SENP7: variants seen among roughly 807,000 people sequenced by gnomAD.
The protein encoded by SENP7 is sentrin-specific protease 7.
Under a neutral mutation model 141.2 loss-of-function variants are expected in SENP7, and 64 were observed. That is an observed-to-expected ratio of 0.45 (90% CI 0.37 to 0.56). SENP7 has a LOEUF of 0.56. Among genes scored for constraint, SENP7 ranks in the 20% least tolerant of loss-of-function variants. SENP7 has a pLI of 0.00. For synonymous variants in SENP7, 382 were observed against 426.4 expected, an observed-to-expected ratio of 0.90 and a Z score of 1.28; for missense variants, 1,025 against 1,212.2, an observed-to-expected ratio of 0.85 and a Z score of 2.29.
intron 3 of SENP7, among the ~76,000 whole-genome samples, chr3:101,467,932 C>A (rs1310052454): frequency 1.3e-5 from 2 of 152,112 alleles, no homozygotes; most frequent in African/African-American, 4.8e-5. Flanking sequence ...GATGTTTGAA[C>A]CCATCGCAAG....
chr3:101,457,488 G>A lies in SENP7; in HGVS notation c.284+1467C>T, dbSNP rs574865099. The A allele has an allele frequency of 4.5e-5, 73 of 1,609,694 alleles. No individual in the cohort carries two copies. In the South Asian group the frequency reaches 7.9e-4, roughly 17 times the overall value. On this transcript the variant is annotated intron_variant, in intron 4 of 23. Coordinates refer to ENST00000394095, the MANE Select transcript of SENP7 (RefSeq NM_020654.5). ...GGTGAAAGTGTTTGCTGCCAGAGAT[G>A]CCTGAACTTTAGGGTTGTTAAAGTG...
At chr3:101,381,895 T>C (rs567344384) in intron 6 of SENP7, among the ~76,000 whole-genome samples, 26 of 152,280 alleles carry the variant, frequency 1.7e-4, no homozygotes, top group African/African-American at 6.3e-4. Context: ...TGTGGATTAT[T>C]GTCATTACCA....
chr3:101,485,903 C>T (rs113511248), intron 3 of SENP7, among the ~76,000 whole-genome samples: 1 of 151,870 alleles, frequency 6.6e-6, no homozygotes, highest in Non-Finnish European at 1.5e-5. Flanking sequence ...GGAAATAGAT[C>T]GCTTAAAGAA....
At chr3:101,386,217 A>C (rs1358739053) in intron 6 of SENP7, among the ~76,000 whole-genome samples, 1 of 152,186 alleles carries the variant, frequency 6.6e-6, no homozygotes, top group African/African-American at 2.4e-5. Flanking sequence ...GCACAGAAAA[A>C]GGGAAATGAA....
intron 4 of SENP7, among the ~76,000 whole-genome samples, chr3:101,448,385 T>C (rs2062979162): frequency 6.6e-6 from 1 of 152,208 alleles, no homozygotes; most frequent in Admixed American, 6.5e-5. Context: ...TTTTTAACTC[T>C]TACAACAAAA....
intron 22 of SENP7, among the ~76,000 whole-genome samples, chr3:101,328,126 T>C (rs994015646): frequency 7.9e-5 from 12 of 152,280 alleles, no homozygotes; most frequent in Middle Eastern, 3.4e-3. Context: ...TACAGTAAAT[T>C]ACAAAATTAC....
At chr3:101,427,175 G>A (rs568913899) in intron 4 of SENP7, among the ~76,000 whole-genome samples, 3 of 152,040 alleles carry the variant, frequency 2.0e-5, no homozygotes, top group Admixed American at 6.6e-5. Flanking sequence ...GGGATGAAAC[G>A]GGGGTTCAAC....
chr3:101,386,623 C>G (rs568610266), intron 6 of SENP7, among the ~76,000 whole-genome samples: 1 of 152,300 alleles, frequency 6.6e-6, no homozygotes, highest in African/African-American at 2.4e-5. Context: ...TTGGCTGGAA[C>G]CAGTAGTGTG....
At chr3:101,427,900 T>C (rs1270788216) in intron 4 of SENP7, among the ~76,000 whole-genome samples, 2 of 152,104 alleles carry the variant, frequency 1.3e-5, no homozygotes, top group Non-Finnish European at 2.9e-5. Context: ...CCTGTGTCCA[T>C]GTGTTCTCAT....
chr3:101,390,259 ACTGGCTG>A, intron 6 of SENP7, among the ~76,000 whole-genome samples: 2 of 149,826 alleles, frequency 1.3e-5, no homozygotes, highest in Non-Finnish European at 1.5e-5. Context: ...AAAGACATGA[ACTGGCTG>A]AATCCATTTT....
intron 10 of SENP7, among the ~76,000 whole-genome samples, chr3:101,363,486 T>C (rs949860891): frequency 7.2e-5 from 11 of 152,252 alleles, no homozygotes; most frequent in African/African-American, 2.4e-4. Flanking sequence ...TGATTATGAA[T>C]GTAGTAAATT....
intron 17 of SENP7, 110 bp from the exon 18 acceptor site, chr3:101,332,972 TCTTTAAG>T: frequency 1.9e-6 from 2 of 1,059,468 alleles, no homozygotes; most frequent in Non-Finnish European, 2.6e-6. Context: ...TTAACCATCT[TCTTTAAG>T]ATATATCATA....
chr3:101,327,859 T>C (rs754029999), intron 22 of SENP7, 43 bp from the exon 23 acceptor site: 8 of 1,452,478 alleles, frequency 5.5e-6, no homozygotes, highest in Non-Finnish European at 6.6e-6. Flanking sequence ...TAGAAATCTA[T>C]TTATCAGTAT....
At chr3:101,493,129 C>CT (rs2065027826) in intron 3 of SENP7, among the ~76,000 whole-genome samples, 1 of 152,138 alleles carries the variant, frequency 6.6e-6, no homozygotes, top group Non-Finnish European at 1.5e-5. Flanking sequence ...CCTCAGCAAA[C>CT]TAACACAGGA....
chr3:101,450,775 T>C (rs1004046717), intron 4 of SENP7, among the ~76,000 whole-genome samples: 1 of 152,094 alleles, frequency 6.6e-6, no homozygotes, highest in South Asian at 2.1e-4. Context: ...AGATCTAATA[T>C]TGACACCCTG....
chr3:101,374,073 A>T (rs2060251788), intron 6 of SENP7, among the ~76,000 whole-genome samples: 1 of 152,234 alleles, frequency 6.6e-6, no homozygotes, highest in Non-Finnish European at 1.5e-5. Context: ...ATAAAAATGT[A>T]TTAAAATAGC....
chr3:101,332,556 T>C (rs2059084866), intron 18 of SENP7, among the ~76,000 whole-genome samples: 1 of 152,064 alleles, frequency 6.6e-6, no homozygotes, highest in Non-Finnish European at 1.5e-5. Flanking sequence ...CATTTGTCAC[T>C]TTATTTTTTT....
At chr3:101,403,783 C>T (rs1485588954) in intron 5 of SENP7, among the ~76,000 whole-genome samples, 1 of 152,058 alleles carries the variant, frequency 6.6e-6, no homozygotes, top group Non-Finnish European at 1.5e-5. Flanking sequence ...CAACAACAGC[C>T]AAGTGGAGAA....
At position 101,366,604 on chromosome 3, in the gene SENP7, T is replaced by A; in HGVS notation, c.1144A>T (p.Thr382Ser). 6.2e-7 allele frequency: 1 copy of A among 1,613,954 alleles called. No homozygotes were observed. The highest frequency in any genetic ancestry group is 8.5e-7 in the Non-Finnish European group (1 of 1,179,880). Residue 382 changes from threonine (T) to serine (S), a missense_variant, in exon 9 of 24, where the codon ACC becomes TCC. Thr to Ser is a moderately conservative substitution (Grantham distance 58). Transcript: ENST00000394095. ...NSQELTLSNATKSASAGSTTE... is the reference protein window; with the variant it reads ...NSQELTLSNASKSASAGSTTE... ...GTTGAACCGGCAGAGGCACTTTTGGTGGCATTACTCAAAGTCAACTCCTGA... is the reference window on the plus strand; with the variant it reads ...GTTGAACCGGCAGAGGCACTTTTGGAGGCATTACTCAAAGTCAACTCCTGA...
Sources: gnomAD v4.1 joint callset for allele counts (sites outside exome capture counted in the v4.1 genomes callset) on GRCh38, gnomAD v4.1.1 for gene constraint, MANE v1.5 for transcripts, NCBI Gene and HGNC (gene_info 2026-07-23, HGNC 2026-07-21) for gene names.